Variants in PDZD2 observed in about 807,000 individuals in gnomAD.
The protein encoded by PDZD2 is PDZ domain-containing protein 2.
A neutral mutation model predicts 220.7 loss-of-function variants in PDZD2; 90 were observed. That is an observed-to-expected ratio of 0.41 (90% CI 0.34 to 0.49). The LOEUF (loss-of-function observed/expected upper bound fraction) is 0.49, where lower values mean the gene tolerates loss of function less well. Ranked by LOEUF, PDZD2 falls within the 20% of genes least tolerant of loss-of-function variation. PDZD2 has a pLI of 0.28. For synonymous variants in PDZD2, 1,375 were observed against 1,450.5 expected (o/e 0.95, Z 1.18); for missense variants, 3,174 against 3,608.5 (o/e 0.88, Z 3.08).
chr5:31,697,828 G>T (rs1242278264), intron 1 of PDZD2, among the ~76,000 whole-genome samples: 5 of 152,176 alleles, frequency 3.3e-5, no homozygotes, highest in Non-Finnish European at 7.3e-5. Flanking sequence ...GGCAGTGGCT[G>T]AGCGCCTCTG....
intron 2 of PDZD2, among the ~76,000 whole-genome samples, chr5:31,891,599 G>C (rs1280097210): frequency 1.3e-5 from 2 of 152,202 alleles, no homozygotes; most frequent in Non-Finnish European, 2.9e-5. Flanking sequence ...ACAGGCATGA[G>C]CCACCATGCC....
chr5:32,059,335 C>G lies in PDZD2; in HGVS notation c.2297C>G (p.Ala766Gly), dbSNP rs1739457563. The change falls in exon 13 of 25, where the codon GCC (alanine) becomes GGC (glycine). Residue 766 changes from alanine (A) to glycine (G), a missense_variant. Physicochemically the swap from Ala to Gly is moderately conservative, Grantham distance 60. Around this residue, in one of 4 missense-constraint regions of PDZD2, gnomAD observed 1,861 missense variants for 2,001.0 expected, o/e 0.93. Transcript: ENST00000438447. ...CACAGCCTTGCTCCAGGATCAGTGG[C>G]CAAGATGGAGAGCAACCTGAGGTTT... ...YIHSLAPGSV[A>G]KMESNLSRGD... 1.9e-6 allele frequency: 3 copies of G among 1,603,560 alleles called. No individual in the cohort carries two copies. Among genetic ancestry groups the G allele is most frequent in the Non-Finnish European group, 2.6e-6 (3 of 1,170,426 alleles).
chr5:31,993,074 C>T (rs563215011), intron 3 of PDZD2, among the ~76,000 whole-genome samples: 22 of 152,132 alleles, frequency 1.4e-4, no homozygotes, highest in African/African-American at 5.1e-4. Context: ...CACTGCTCCT[C>T]AAGGATGGCT....
At chr5:31,655,566 T>G (rs959425947) in intron 1 of PDZD2, among the ~76,000 whole-genome samples, 1 of 152,230 alleles carries the variant, frequency 6.6e-6, no homozygotes. Context: ...TATTTTTTTT[T>G]TTTTAGAAGG....
intron 1 of PDZD2, among the ~76,000 whole-genome samples, chr5:31,643,967 C>T (rs1048746755): frequency 6.6e-6 from 1 of 151,854 alleles, no homozygotes; most frequent in African/African-American, 2.4e-5. Flanking sequence ...GCTGGGACTA[C>T]AGACACCACC....
At chr5:31,661,599 C>T (rs1224784049) in intron 1 of PDZD2, 1 of 152,192 alleles carries the variant, frequency 6.6e-6, no homozygotes, top group African/African-American at 2.4e-5. Flanking sequence ...ATCCTCTCTT[C>T]TCCTCTTACA....
Position 31,773,955 on chromosome 5 carries a change from G to A in PDZD2, c.-360-24934G>A, listed in dbSNP as rs371376647. On this transcript the variant is annotated intron_variant, in intron 1 of 24. Transcript: ENST00000438447. ...CAGGAATAGCTAGCATGCAGCTGGT[G>A]AAAACCGATGTCGACACCTAGAGGA... 9.2e-5 allele frequency among the ~76,000 whole-genome samples: 14 copies of A among 152,298 alleles called. No individual in the cohort carries two copies. In the East Asian group the frequency reaches 2.7e-3, roughly 29 times the overall value.
At chr5:31,883,216 CTT>C (rs58100064) in intron 2 of PDZD2, among the ~76,000 whole-genome samples, 11,848 of 93,798 alleles carry the variant, frequency 0.13, 891 homozygotes, top group African/African-American at 0.37. Flanking sequence ...AGCATGCTAC[CTT>C]TTTTTTTTTT....
chr5:31,751,717 G>T (rs1166601651), intron 1 of PDZD2, among the ~76,000 whole-genome samples: 1 of 152,152 alleles, frequency 6.6e-6, no homozygotes, highest in East Asian at 1.9e-4. Flanking sequence ...GTAACACTGA[G>T]CCTGCCCCCC....
At chr5:31,893,130 A>G (rs143635084) in intron 2 of PDZD2, among the ~76,000 whole-genome samples, 83 of 152,258 alleles carry the variant, frequency 5.5e-4, no homozygotes, top group African/African-American at 1.9e-3. Context: ...ACTGACCAGG[A>G]CCTTTCGCCC....
At chr5:31,776,196 C>T (rs1752635804) in intron 1 of PDZD2, among the ~76,000 whole-genome samples, 1 of 152,164 alleles carries the variant, frequency 6.6e-6, no homozygotes, top group Non-Finnish European at 1.5e-5. Flanking sequence ...TTGGACTCCT[C>T]CTCTTCTCTA....
At chr5:32,104,416 CACAATCTCTGCTCACT>C (rs1348228263) in intron 24 of PDZD2, among the ~76,000 whole-genome samples, 1 of 150,984 alleles carries the variant, frequency 6.6e-6, no homozygotes, top group Non-Finnish European at 1.5e-5. Flanking sequence ...AGTGCAGTGT[CACAATCTCTGCTCACT>C]GCAATCTCTG....
At chr5:31,749,805 C>T (rs185672430) in intron 1 of PDZD2, among the ~76,000 whole-genome samples, 1 of 152,276 alleles carries the variant, frequency 6.6e-6, no homozygotes, top group African/African-American at 2.4e-5. Context: ...CTGGGTTGCT[C>T]CACAGGCTTT....
At chr5:31,652,400 G>C (rs1476600174) in intron 1 of PDZD2, among the ~76,000 whole-genome samples, 1 of 152,186 alleles carries the variant, frequency 6.6e-6, no homozygotes, top group African/African-American at 2.4e-5. Context: ...TAGGAGATGG[G>C]TGCTTTCCAT....
rs560393240 is a variant in PDZD2, at chr5:32,091,063, G to T, written c.7615G>T (p.Ala2539Ser). The T allele has an allele frequency of 2.2e-5, 35 of 1,613,572 alleles. No homozygotes were observed. In the South Asian group the frequency reaches 3.6e-4, roughly 17 times the overall value. ...GTGTCCCGAGAAGGGCGGGAACAGG[G>T]CCTGTCCAGGAGGAAGTGGCCCTAA... ...VSCPEKGGNR[A>S]CPGGSGPKTS... Residue 2539 changes from alanine (A) to serine (S), a missense_variant, in exon 20 of 25, where the codon GCC becomes TCC. This residue lies in a region of PDZD2 where 631 missense variants were observed against 789.9 expected (regional missense o/e 0.80). Transcript: ENST00000438447.
At position 32,109,502 on chromosome 5, in the gene PDZD2, C is replaced by T. The variant is rs1304979678; in HGVS notation, c.*1367C>T. The T allele has an allele frequency of 6.6e-6, 1 of 152,184 alleles. No homozygotes were observed. Among genetic ancestry groups the T allele is most frequent in the Non-Finnish European group, 1.5e-5 (1 of 68,038 alleles). The allele number at this position is 152,184 out of a possible 1,614,324, so 9.4% of individuals were successfully genotyped here. ...GTCACATAGCTGGCTTTTCTCTCCT[C>T]ATGATGTACCTTATTTTCTTAGGTA... On this transcript the variant is annotated 3_prime_UTR_variant, in exon 25 of 25. Transcript: ENST00000438447.
At chr5:32,012,229 G>A (rs935297466) in intron 6 of PDZD2, among the ~76,000 whole-genome samples, 30 of 152,068 alleles carry the variant, frequency 2.0e-4, no homozygotes, top group African/African-American at 7.0e-4. Context: ...AGACATCTCA[G>A]CCAGCTTTCA....
intron 2 of PDZD2, among the ~76,000 whole-genome samples, chr5:31,887,302 CAG>C (rs1237439033): frequency 6.6e-6 from 1 of 152,252 alleles, no homozygotes; most frequent in African/African-American, 2.4e-5. Context: ...GAGGCAGTGA[CAG>C]AGTGGGAATT....
chr5:31,793,718 A>G (rs1753847600), intron 1 of PDZD2, among the ~76,000 whole-genome samples: 1 of 152,234 alleles, frequency 6.6e-6, no homozygotes, highest in African/African-American at 2.4e-5. Context: ...TGAGGCTGAG[A>G]ATCGCTTGAA....
Sources: allele counts gnomAD v4.1 joint callset (sites outside exome capture counted in the v4.1 genomes callset), GRCh38; gene constraint gnomAD v4.1.1; regional missense constraint gnomAD v4.1.1; transcripts MANE v1.5; gene names NCBI Gene and HGNC (gene_info 2026-07-23, HGNC 2026-07-21).